The following SPRED2 variants were observed in gnomAD, a reference collection of about 807,000 sequenced individuals.
SPRED2 encodes sprouty-related, EVH1 domain-containing protein 2.
A neutral mutation model predicts 43.0 loss-of-function variants in SPRED2; 47 were observed. The observed-to-expected ratio is 1.09, with a 90% CI of 0.87 to 1.40. The LOEUF is 1.40. SPRED2 is among the 40% of genes most tolerant of loss of function. The pLI is 0.00. For missense variants in SPRED2, 561 were observed against 586.4 expected, an observed-to-expected ratio of 0.96 and a Z score of 0.45; for synonymous variants, 225 against 225.7, an observed-to-expected ratio of 1.00 and a Z score of 0.03.
chr2:65,421,885 C>G (rs1325176066), intron 1 of SPRED2, among the ~76,000 whole-genome samples: 1 of 152,170 alleles, frequency 6.6e-6, no homozygotes, highest in Non-Finnish European at 1.5e-5. Context: ...GGTTGTAACA[C>G]AGACTGTTGT....
At chr2:65,326,231 T>A (rs148659671) in intron 4 of SPRED2, among the ~76,000 whole-genome samples, 112 of 152,116 alleles carry the variant, frequency 7.4e-4, no homozygotes, top group African/African-American at 2.6e-3. Context: ...CCACCCCGTA[T>A]ATAATATTCG....
At chr2:65,329,500 C>T (rs1451368621) in intron 4 of SPRED2, among the ~76,000 whole-genome samples, 1 of 152,212 alleles carries the variant, frequency 6.6e-6, no homozygotes, top group Non-Finnish European at 1.5e-5. Context: ...GCTCTTTCTG[C>T]AGTGAGTCTG....
At chr2:65,400,482 G>A (rs747744793) in intron 1 of SPRED2, among the ~76,000 whole-genome samples, 9 of 152,162 alleles carry the variant, frequency 5.9e-5, no homozygotes, top group Non-Finnish European at 1.3e-4. Context: ...TTCTGGGACC[G>A]TTGGCCCTCA....
chr2:65,330,488 G>C (rs1673777353), intron 4 of SPRED2, among the ~76,000 whole-genome samples: 2 of 151,416 alleles, frequency 1.3e-5, no homozygotes, highest in Admixed American at 1.3e-4. Context: ...TTTTTTTTTG[G>C]AGCAGTTTTA....
At chr2:65,335,641 A>G (rs1673942394) in intron 2 of SPRED2, among the ~76,000 whole-genome samples, 1 of 152,200 alleles carries the variant, frequency 6.6e-6, no homozygotes, top group Admixed American at 6.5e-5. Flanking sequence ...ACAATTTAGT[A>G]CCTGATTTCA....
chr2:65,326,495 G>A (rs944563340), intron 4 of SPRED2, among the ~76,000 whole-genome samples: 2 of 152,202 alleles, frequency 1.3e-5, no homozygotes, highest in African/African-American at 4.8e-5. Flanking sequence ...CAGGAAGTAG[G>A]CCAGACCTGT....
At chr2:65,387,335 C>T (rs1675525117) in intron 1 of SPRED2, among the ~76,000 whole-genome samples, 1 of 152,222 alleles carries the variant, frequency 6.6e-6, no homozygotes, top group Non-Finnish European at 1.5e-5. Flanking sequence ...ATGCCCACCA[C>T]ACAAGGAATC....
intron 5 of SPRED2, among the ~76,000 whole-genome samples, chr2:65,314,880 CAGG>C (rs747349379): frequency 2.0e-5 from 3 of 152,298 alleles, no homozygotes; most frequent in Non-Finnish European, 2.9e-5. Context: ...GAGATGCGGA[CAGG>C]AGAAGGATAG....
At chr2:65,426,308 A>G (rs1676557364) in intron 1 of SPRED2, among the ~76,000 whole-genome samples, 1 of 152,198 alleles carries the variant, frequency 6.6e-6, no homozygotes, top group East Asian at 1.9e-4. Context: ...ATATATATAT[A>G]CCCTAAGTTA....
At chr2:65,309,371 T>C (rs908025562), downstream of SPRED2, among the ~76,000 whole-genome samples, 2 of 151,402 alleles carry the variant, frequency 1.3e-5, no homozygotes, top group Admixed American at 6.6e-5. Flanking sequence ...CTGGGCATGG[T>C]GATGTGCACC....
Position 65,340,627 on chromosome 2 carries a change from C to T in SPRED2, c.204+4092G>A, listed in dbSNP as rs533277481. On this transcript the variant is annotated intron_variant, in intron 2 of 5. Coordinates refer to ENST00000356388, the MANE Select transcript of SPRED2 (RefSeq NM_181784.3). Reference sequence around the variant, plus strand: ...ATATAATTTCTCAGGCTTGACTGTCCCCAGCTTACCAAAAAATTACCTGAC... The same window carrying T: ...ATATAATTTCTCAGGCTTGACTGTCTCCAGCTTACCAAAAAATTACCTGAC... Among the ~76,000 whole-genome samples, 7 of 152,168 alleles carry T rather than the reference C, an allele frequency of 4.6e-5. No homozygotes were observed. The East Asian group carries it at 1.4e-3, about 29-fold the overall frequency.
intron 1 of SPRED2, among the ~76,000 whole-genome samples, chr2:65,378,826 C>T (rs1303055990): frequency 1.3e-5 from 2 of 152,168 alleles, no homozygotes; most frequent in Non-Finnish European, 2.9e-5. Context: ...GTTTGGGGTA[C>T]AGCCTGAATT....
In SPRED2 at chr2:65,397,667, C is replaced by T. The variant is rs185500295; in HGVS notation, c.26+34295G>A. Among the ~76,000 whole-genome samples the T allele has an allele frequency of 1.3e-3, 190 of 149,584 alleles. 1 individual carries two copies. The highest frequency in any genetic ancestry group is 4.3e-3 in the African/African-American group (173 of 40,604). ...TACAAGGTAACATATGTATAATCCA[C>T]AGACCCAGGCCTTTCTAAATAGATT... On this transcript the variant is annotated intron_variant, in intron 1 of 5. Transcript: ENST00000356388.
intron 1 of SPRED2, among the ~76,000 whole-genome samples, chr2:65,423,772 C>CT (rs11306222): frequency 1.7e-4 from 25 of 143,764 alleles, no homozygotes; most frequent in East Asian, 6.0e-4. Context: ...CTCATTTATG[C>CT]TTTTTTTTTT....
At chr2:65,310,848 C>T (rs554234320), downstream of SPRED2, 6 of 984,456 alleles carry the variant, frequency 6.1e-6, no homozygotes, top group East Asian at 3.4e-4. Flanking sequence ...CCAAAGCCAG[C>T]GATCTGATAG....
chr2:65,381,865 C>A (rs538021704), intron 1 of SPRED2, among the ~76,000 whole-genome samples: 1 of 152,352 alleles, frequency 6.6e-6, no homozygotes, highest in Non-Finnish European at 1.5e-5. Flanking sequence ...TTTCAGACAC[C>A]AGTGGAATTC....
Position 65,313,616 on chromosome 2 carries a change from A to T in SPRED2, c.1142T>A (p.Leu381His). ...DEKFCLRWMA[L>H]IALSFLAPCM... ...GGGGGCCAGGAAAGACAAGGCAATA[A>T]GAGCCATCCACCGGAGGCAAAACTT... Residue 381 changes from leucine to histidine, a missense_variant, in exon 6 of 6, where the codon CTT (leucine) becomes CAT (histidine). Leu to His is a moderately conservative substitution (Grantham distance 99). This residue lies in a region of SPRED2 where 65 missense variants were observed against 60.2 expected (regional missense o/e 1.08). Coordinates refer to ENST00000356388, the MANE Select transcript of SPRED2 (RefSeq NM_181784.3). 6.2e-7 allele frequency: 1 copy of T among 1,614,200 alleles called. No individual in the cohort carries two copies. Among genetic ancestry groups the T allele is most frequent in the Non-Finnish European group, 8.5e-7 (1 of 1,180,026 alleles).
At chr2:65,327,871 C>G (rs542654328) in intron 4 of SPRED2, among the ~76,000 whole-genome samples, 8 of 151,532 alleles carry the variant, frequency 5.3e-5, no homozygotes, top group South Asian at 2.1e-4. Context: ...TTACAGGGGC[C>G]CGCCATCATG....
rs879215907 is a variant in SPRED2, at chr2:65,344,665, G to A, written c.204+54C>T. The A allele has an allele frequency of 4.7e-5, 75 of 1,589,688 alleles. No homozygotes were observed. In the Admixed American group the frequency reaches 1.0e-3, roughly 22 times the overall value. ...TAAGGAAAGAGGACTATGATTTAAC[G>A]TAAAGAAAGCAGTTGTTACTAATTT... On this transcript the variant is annotated intron_variant, in intron 2 of 5. Coordinates refer to ENST00000356388, the MANE Select transcript of SPRED2 (RefSeq NM_181784.3).
Sources: allele counts gnomAD v4.1 joint callset (sites outside exome capture counted in the v4.1 genomes callset), GRCh38; gene constraint gnomAD v4.1.1; regional missense constraint gnomAD v4.1.1; transcripts MANE v1.5; gene names NCBI Gene and HGNC (gene_info 2026-07-23, HGNC 2026-07-21).